COL23A1: variants seen among roughly 807,000 people sequenced by gnomAD.
COL23A1 encodes the protein collagen type XXIII alpha 1 chain, also known as collagen alpha-1(XXIII) chain.
COL23A1 carries 97 observed loss-of-function variants against 99.3 expected under a neutral mutation model. That is an observed-to-expected ratio of 0.98 (90% CI 0.83 to 1.16). COL23A1 has a LOEUF of 1.16. Ranked by LOEUF, COL23A1 falls within the 50% of genes most tolerant of loss-of-function variation. The pLI is 0.00. For missense variants in COL23A1, 762 were observed against 757.4 expected, an observed-to-expected ratio of 1.01 and a Z score of -0.07; for synonymous variants, 320 against 308.2, an observed-to-expected ratio of 1.04 and a Z score of -0.40.
At chr5:178,502,808 G>A (rs1261146595) in intron 2 of COL23A1, among the ~76,000 whole-genome samples, 3 of 152,204 alleles carry the variant, frequency 2.0e-5, no homozygotes, top group African/African-American at 4.8e-5. Context: ...GCACAGAGAC[G>A]TTCCCGGCAG....
At chr5:178,500,608 A>AAACAAACCAAAACAAAAAAC (rs1758474390) in intron 2 of COL23A1, among the ~76,000 whole-genome samples, 1 of 151,454 alleles carries the variant, frequency 6.6e-6, no homozygotes, top group Admixed American at 6.6e-5. Flanking sequence ...CTGTCTCAAA[A>AAACAAACCAAAACAAAAAAC]AACAAACCAA....
chr5:178,432,357 C>T (rs753409192), intron 2 of COL23A1, among the ~76,000 whole-genome samples: 62 of 152,242 alleles, frequency 4.1e-4, no homozygotes, highest in Non-Finnish European at 6.2e-4. Context: ...TTTAAATGAC[C>T]CACAGGTTTG....
At chr5:178,417,905 C>T (rs1765400850) in intron 2 of COL23A1, among the ~76,000 whole-genome samples, 1 of 152,236 alleles carries the variant, frequency 6.6e-6, no homozygotes, top group Admixed American at 6.5e-5. Context: ...AATTAATAAA[C>T]ATTTATTCAG....
At chr5:178,559,020 C>T (rs976946689) in intron 2 of COL23A1, among the ~76,000 whole-genome samples, 1 of 152,188 alleles carries the variant, frequency 6.6e-6, no homozygotes, top group Non-Finnish European at 1.5e-5. Context: ...GAACTCCTGA[C>T]CTCAGGTGAT....
At chr5:178,584,418 T>C (rs906609196) in intron 1 of COL23A1, among the ~76,000 whole-genome samples, 4 of 152,026 alleles carry the variant, frequency 2.6e-5, no homozygotes, top group African/African-American at 9.7e-5. Context: ...TCCAAACTGG[T>C]CTTGAACTCC....
intron 2 of COL23A1, among the ~76,000 whole-genome samples, chr5:178,318,893 C>T (rs1459192264): frequency 4.6e-5 from 6 of 129,916 alleles, no homozygotes; most frequent in Non-Finnish European, 9.8e-5. Flanking sequence ...TACAGCAAGA[C>T]TTCATCTCCA....
At chr5:178,578,976 A>G (rs1763530008) in intron 1 of COL23A1, among the ~76,000 whole-genome samples, 1 of 152,158 alleles carries the variant, frequency 6.6e-6, no homozygotes, top group Admixed American at 6.5e-5. Context: ...GGAAAGTCTC[A>G]GTCTGCTCAA....
chr5:178,436,574 C>T (rs6882668), intron 2 of COL23A1, among the ~76,000 whole-genome samples: 43,708 of 152,132 alleles, frequency 0.29, 12,741 homozygotes, highest in African/African-American at 0.75. Flanking sequence ...CAAGGATGCC[C>T]TAGGGCTGAC....
chr5:178,488,331 G>C (rs1757743069), intron 2 of COL23A1, among the ~76,000 whole-genome samples: 1 of 152,164 alleles, frequency 6.6e-6, no homozygotes, highest in Admixed American at 6.5e-5. Flanking sequence ...GGGAGCTGCT[G>C]AATTTTCACA....
chr5:178,557,719 G>A (rs575602007), intron 2 of COL23A1, among the ~76,000 whole-genome samples: 4 of 152,306 alleles, frequency 2.6e-5, no homozygotes, highest in South Asian at 4.1e-4. Flanking sequence ...CCAAAAGCCC[G>A]AGGGACACGC....
intron 2 of COL23A1, among the ~76,000 whole-genome samples, chr5:178,319,080 T>G (rs1287552093): frequency 6.6e-6 from 1 of 151,820 alleles, no homozygotes; most frequent in Non-Finnish European, 1.5e-5. Flanking sequence ...GCAGGCTGTG[T>G]CGGTGCTGGG....
chr5:178,574,772 C>T (rs1049677934), intron 1 of COL23A1, among the ~76,000 whole-genome samples: 3 of 133,964 alleles, frequency 2.2e-5, no homozygotes, highest in African/African-American at 3.5e-5. Flanking sequence ...GAATGCTAAA[C>T]GCTGAAGGTA....
At chr5:178,290,042 G>C (rs2009477) in intron 4 of COL23A1, among the ~76,000 whole-genome samples, 7 of 151,978 alleles carry the variant, frequency 4.6e-5, no homozygotes, top group African/African-American at 1.7e-4. Flanking sequence ...GCAATTTTTC[G>C]TGCCTCGATT....
intron 12 of COL23A1, 80 bp downstream of exon 12, chr5:178,259,641 C>G (rs1765518152): frequency 7.3e-7 from 1 of 1,360,792 alleles, no homozygotes; most frequent in African/African-American, 1.4e-5. Flanking sequence ...ATCCCCATCC[C>G]CATTCCGTCC....
intron 2 of COL23A1, among the ~76,000 whole-genome samples, chr5:178,521,801 C>A (rs899595816): frequency 5.9e-5 from 9 of 152,110 alleles, no homozygotes; most frequent in Admixed American, 3.3e-4. Context: ...CTAGTCTAGG[C>A]ACAGTCACAG....
chr5:178,323,039 C>T (rs1047160611), intron 2 of COL23A1, among the ~76,000 whole-genome samples: 1 of 151,814 alleles, frequency 6.6e-6, no homozygotes, highest in Non-Finnish European at 1.5e-5. Flanking sequence ...CTAAGCAGGA[C>T]GGGGTGGAGG....
intron 7 of COL23A1, among the ~76,000 whole-genome samples, chr5:178,268,189 C>T (rs1366501718): frequency 6.6e-6 from 1 of 152,222 alleles, no homozygotes; most frequent in Admixed American, 6.5e-5. Context: ...GGCCCTGGCA[C>T]ACCTAGGCCT....
At position 178,539,559 on chromosome 5, in the gene COL23A1, A is replaced by G. The variant is rs1328326383; in HGVS notation, c.361+21123T>C. 1.1e-3 allele frequency among the ~76,000 whole-genome samples: 174 copies of G among 151,372 alleles called. 1 individual carries two copies. The highest frequency in any genetic ancestry group is 4.0e-3 in the African/African-American group (165 of 41,366). ...AGACTCTGTCTCAAAAAAAAAAAAA[A>G]AAAAAAAAAGAAAAAGAAAGAAAGG... On this transcript the variant is annotated intron_variant, in intron 2 of 28. Transcript: ENST00000390654.
intron 2 of COL23A1, among the ~76,000 whole-genome samples, chr5:178,372,140 A>AT (rs1222849693): frequency 6.6e-6 from 1 of 152,192 alleles, no homozygotes; most frequent in African/African-American, 2.4e-5. Flanking sequence ...TCTGGAAGAA[A>AT]TAAGGTGATG....
Sources: gnomAD v4.1 joint callset for allele counts (sites outside exome capture counted in the v4.1 genomes callset) on GRCh38, gnomAD v4.1.1 for gene constraint, MANE v1.5 for transcripts, NCBI Gene and HGNC (gene_info 2026-07-23, HGNC 2026-07-21) for gene names.